IDO2: variants seen among roughly 807,000 people sequenced by gnomAD.
The protein encoded by IDO2 is indoleamine 2,3-dioxygenase 2.
A neutral mutation model predicts 45.1 loss-of-function variants in IDO2; 46 were observed. That is an observed-to-expected ratio of 1.02 (90% confidence interval 0.80 to 1.30). The LOEUF is 1.30. Ranked by LOEUF, IDO2 falls within the 50% of genes most tolerant of loss-of-function variation. The pLI is 0.00. For missense variants in IDO2, 544 were observed against 491.8 expected (o/e 1.11, Z -1.00); for synonymous variants, 218 against 184.9 (o/e 1.18, Z -1.45).
intron 3 of IDO2, among the ~76,000 whole-genome samples, chr8:39,970,289 G>A (rs1454588985): frequency 6.6e-6 from 1 of 152,250 alleles, no homozygotes; most frequent in Non-Finnish European, 1.5e-5. Context: ...AAAGTGCAAG[G>A]TGAAGCAGCA....
chr8:39,979,212 T>C, intron 4 of IDO2, 26 bp downstream of exon 4: 2 of 1,559,778 alleles, frequency 1.3e-6, no homozygotes, highest in Non-Finnish European at 1.7e-6. Flanking sequence ...CAGCTTCTCC[T>C]GTTACCCGGC....
intron 6 of IDO2, chr8:39,985,754 T>G (rs1808413265): frequency 5.8e-6 from 3 of 516,972 alleles, no homozygotes. Context: ...TATTTTCCAG[T>G]CTGTACATAA....
rs562445649 is a variant in IDO2 at position 40,005,232 on chromosome 8, G to A, written c.668-95G>A. On this transcript the variant is annotated intron_variant, in intron 8 of 10. Coordinates refer to ENST00000502986, the Ensembl canonical transcript of IDO2. ...TCCAGGTCTCCATGCATATCAGATA[G>A]GGAAGGAACTCCGGGACAGCAGCAG... 1.3e-4 allele frequency: 92 copies of A among 687,062 alleles called. No individual in the cohort carries two copies. The African/African-American group carries it at 1.5e-3, about 11-fold the overall frequency. 42.6% of individuals were successfully genotyped at this position (687,062 alleles called of 1,614,324 possible).
intron 3 of IDO2, among the ~76,000 whole-genome samples, chr8:39,968,902 A>AG (rs58914703): frequency 2.6e-5 from 4 of 151,874 alleles, no homozygotes; most frequent in African/African-American, 9.7e-5. Flanking sequence ...AAAAAAAAAA[A>AG]CAAACAACAA....
intron 8 of IDO2, among the ~76,000 whole-genome samples, chr8:39,994,313 G>A (rs1362848): frequency 0.99 from 149,282 of 150,094 alleles, 74,237 homozygotes; most frequent in Middle Eastern, 1. Flanking sequence ...GCTGGGGTGC[G>A]ATGGCGCCAT....
At chr8:39,991,092 G>A in intron 8 of IDO2, among the ~76,000 whole-genome samples, 1 of 152,160 alleles carries the variant, frequency 6.6e-6, no homozygotes, top group South Asian at 2.1e-4. Flanking sequence ...GCTAGGTACT[G>A]CCAAGCTTTA....
intron 1 of IDO2, among the ~76,000 whole-genome samples, chr8:39,940,245 G>T (rs11786337): frequency 0.42 from 64,120 of 151,996 alleles, 13,719 homozygotes; most frequent in East Asian, 0.59. Context: ...AAGTTCTACC[G>T]GACACGCAGA....
At chr8:39,989,379 T>G (rs1808468416) in intron 7 of IDO2, among the ~76,000 whole-genome samples, 1 of 150,856 alleles carries the variant, frequency 6.6e-6, no homozygotes, top group African/African-American at 2.4e-5. Flanking sequence ...ATATGAGAGC[T>G]TCGGAGCAAG....
rs553979743 is a variant in IDO2, at chr8:39,959,933, C to G, written c.100-3675C>G. On this transcript the variant is annotated intron_variant, in intron 2 of 10. Coordinates refer to ENST00000502986, the Ensembl canonical transcript of IDO2. ...GGCAGAGGTTGCAGTGAGCTGAGAT[C>G]GCACCACTGCACTTTAGACTGAGCG... Among the ~76,000 whole-genome samples the G allele has an allele frequency of 1.1e-4, 17 of 151,884 alleles. 1 individual carries two copies. In the South Asian group the frequency reaches 3.6e-3, roughly 32 times the overall value.
intron 3 of IDO2, among the ~76,000 whole-genome samples, chr8:39,969,790 G>A (rs554043134): frequency 1.3e-5 from 2 of 151,664 alleles, no homozygotes; most frequent in South Asian, 2.1e-4. Context: ...CAGAACAATC[G>A]TTTGAACCCT....
chr8:40,008,143 T>C (rs1802250607), intron 9 of IDO2, among the ~76,000 whole-genome samples: 1 of 149,786 alleles, frequency 6.7e-6, no homozygotes, highest in Non-Finnish European at 1.5e-5. Context: ...ATCTCCCGGG[T>C]TCAAGTGATT....
At chr8:39,968,178 T>C (rs1808125764) in intron 3 of IDO2, among the ~76,000 whole-genome samples, 2 of 152,070 alleles carry the variant, frequency 1.3e-5, no homozygotes, top group African/African-American at 4.8e-5. Context: ...GATAGTGGAA[T>C]AGTATTCAGC....
intron 8 of IDO2, among the ~76,000 whole-genome samples, chr8:39,993,221 C>T (rs1369471269): frequency 3.3e-5 from 5 of 152,002 alleles, no homozygotes; most frequent in Admixed American, 6.6e-5. Flanking sequence ...ATTATTAAGA[C>T]ATGTGTTTTT....
chr8:39,968,316 C>G (rs1304755148), intron 3 of IDO2, among the ~76,000 whole-genome samples: 1 of 152,026 alleles, frequency 6.6e-6, no homozygotes, highest in African/African-American at 2.4e-5. Flanking sequence ...AAGGGCAAAA[C>G]TAGAAGGATT....
At chr8:40,011,795 A>T (rs2001493) in intron 9 of IDO2, among the ~76,000 whole-genome samples, 102,869 of 152,144 alleles carry the variant, frequency 0.68, 35,275 homozygotes, top group Non-Finnish European at 0.73. Flanking sequence ...TTAATGAACT[A>T]AGCCAAGGCT....
At position 40,010,230 on chromosome 8, in the gene IDO2, C is replaced by T. The variant is rs187303634; in HGVS notation, c.720-3335C>T. On this transcript the variant is annotated intron_variant, in intron 9 of 10. Coordinates refer to ENST00000502986, the Ensembl canonical transcript of IDO2. ...CAGCCCTCTATGACATTTGAGCAGA[C>T]ACCTGGAGGAAGTGAGGGAGTGAGC... Among the ~76,000 whole-genome samples, 222 of 152,206 alleles carry T rather than the reference C, an allele frequency of 1.5e-3. 1 individual carries two copies. The highest frequency in any genetic ancestry group is 5.2e-3 in the African/African-American group (217 of 41,518).
chr8:39,983,724 G>T (rs1808385327), intron 5 of IDO2, among the ~76,000 whole-genome samples: 1 of 152,000 alleles, frequency 6.6e-6, no homozygotes, highest in Non-Finnish European at 1.5e-5. Flanking sequence ...AAATTAGCCG[G>T]GCATGGTGGC....
chr8:39,953,790 C>A (rs894342906), intron 2 of IDO2, among the ~76,000 whole-genome samples: 1 of 152,110 alleles, frequency 6.6e-6, no homozygotes, highest in Non-Finnish European at 1.5e-5. Flanking sequence ...GTCTCGAACC[C>A]CTGACCTCAA....
exon 10 of IDO2, chr8:40,013,675 T>C (rs1563444232): frequency 1.9e-6 from 3 of 1,613,758 alleles, no homozygotes; most frequent in Non-Finnish European, 2.5e-6. Context: ...CTTCATGCCT[T>C]TGATGAGTTC....
Sources: allele counts gnomAD v4.1 joint callset (sites outside exome capture counted in the v4.1 genomes callset), GRCh38; gene constraint gnomAD v4.1.1; transcripts MANE v1.5; gene names NCBI Gene and HGNC (gene_info 2026-07-23, HGNC 2026-07-21).